The following HSPA4 variants were observed in gnomAD, a reference collection of about 807,000 sequenced individuals.
HSPA4 encodes heat shock 70 kDa protein 4.
A neutral mutation model predicts 106.2 loss-of-function variants in HSPA4; 25 were observed. The observed-to-expected ratio is 0.24, with a 90% CI of 0.17 to 0.33. The LOEUF (loss-of-function observed/expected upper bound fraction) is 0.33, where lower values mean the gene tolerates loss of function less well. HSPA4 is among the 10% of genes least tolerant of loss of function. The pLI is 1.00. For missense variants in HSPA4, 841 were observed against 996.0 expected (o/e 0.84, Z 2.10); for synonymous variants, 332 against 333.6 (o/e 1.00, Z 0.05).
At chr5:133,080,862 A>T (rs942271889) in intron 7 of HSPA4, among the ~76,000 whole-genome samples, 12 of 152,120 alleles carry the variant, frequency 7.9e-5, no homozygotes, top group African/African-American at 2.7e-4. Context: ...TTGAGATATA[A>T]TTCACATACC....
rs111397306 is a variant in HSPA4, at chr5:133,057,356, G to A, written c.107+4999G>A. On this transcript the variant is annotated intron_variant, in intron 1 of 18. Coordinates refer to ENST00000304858, the MANE Select transcript of HSPA4 (RefSeq NM_002154.4). ...TGTAATATCCTGAGAGTAGTTCTGC[G>A]TACCTTTTTTTTTTTTTTTTGAGAC... Among the ~76,000 whole-genome samples, 7 of 148,784 alleles carry A rather than the reference G, an allele frequency of 4.7e-5. No homozygotes were observed. In the East Asian group the frequency reaches 1.0e-3, roughly 22 times the overall value.
intron 14 of HSPA4, among the ~76,000 whole-genome samples, chr5:133,096,568 T>C (rs1458157508): frequency 6.6e-6 from 1 of 152,166 alleles, no homozygotes; most frequent in Non-Finnish European, 1.5e-5. Flanking sequence ...ATTGGGATAT[T>C]TGAGGTTGGT....
intron 12 of HSPA4, among the ~76,000 whole-genome samples, chr5:133,091,974 A>G (rs1765652901): frequency 6.6e-6 from 1 of 152,158 alleles, no homozygotes; most frequent in African/African-American, 2.4e-5. Context: ...GCGTGAGCCT[A>G]GGAGGTCAAG....
chr5:133,078,933 C>T (rs1365222857), intron 7 of HSPA4, among the ~76,000 whole-genome samples: 3 of 152,014 alleles, frequency 2.0e-5, no homozygotes, highest in Non-Finnish European at 4.4e-5. Context: ...TGGGTGTCAC[C>T]ATGTTGCCCA....
chr5:133,087,833 A>G (rs1022542238), intron 8 of HSPA4, among the ~76,000 whole-genome samples: 34 of 152,160 alleles, frequency 2.2e-4, no homozygotes, highest in African/African-American at 6.5e-4. Flanking sequence ...CATGTTGGTC[A>G]GGCTGGTTTT....
intron 2 of HSPA4, 107 bp from the exon 3 acceptor site, chr5:133,067,310 A>G: frequency 1.0e-6 from 1 of 955,998 alleles, no homozygotes; most frequent in Non-Finnish European, 1.6e-6. Flanking sequence ...CAAAACCAAG[A>G]AGGAGACTCT....
At chr5:133,054,721 G>A (rs1476848483) in intron 1 of HSPA4, among the ~76,000 whole-genome samples, 1 of 152,008 alleles carries the variant, frequency 6.6e-6, no homozygotes, top group East Asian at 1.9e-4. Flanking sequence ...AGTGTATTGT[G>A]CCCTGAAGTT....
At chr5:133,079,063 T>G (rs377085621) in intron 7 of HSPA4, among the ~76,000 whole-genome samples, 38 of 152,190 alleles carry the variant, frequency 2.5e-4, no homozygotes, top group African/African-American at 9.2e-4. Flanking sequence ...ACATTCACCT[T>G]TGTTTAAATC....
intron 3 of HSPA4, among the ~76,000 whole-genome samples, chr5:133,069,868 T>C (rs1355256541): frequency 1.3e-5 from 2 of 152,160 alleles, no homozygotes; most frequent in African/African-American, 4.8e-5. Flanking sequence ...TCGTGTTTGG[T>C]TGAAAGCTAA....
At chr5:133,074,576 C>T (rs1765425008) in intron 6 of HSPA4, among the ~76,000 whole-genome samples, 1 of 152,198 alleles carries the variant, frequency 6.6e-6, no homozygotes, top group African/African-American at 2.4e-5. Context: ...CGGCGCCCAG[C>T]AGGAGGATTT....
chr5:133,052,384 G>A (rs373188431), intron 1 of HSPA4, 27 bp downstream of exon 1: 1 of 1,397,470 alleles, frequency 7.2e-7, no homozygotes, highest in African/African-American at 1.4e-5. Context: ...CCTGCCGCGT[G>A]CACTGGGGTT....
At chr5:133,090,823 G>A (rs921825670) in intron 11 of HSPA4, among the ~76,000 whole-genome samples, 1 of 152,014 alleles carries the variant, frequency 6.6e-6, no homozygotes, top group African/African-American at 2.4e-5. Context: ...ACTGATAAAC[G>A]ACAAGCAGAG....
chr5:133,099,718 T>C, intron 16 of HSPA4, 66 bp downstream of exon 16: 1 of 741,478 alleles, frequency 1.3e-6, no homozygotes, highest in Non-Finnish European at 2.3e-6. Flanking sequence ...GGAGCTCAAA[T>C]TTGGGAGGAA....
chr5:133,080,442 C>A lies in HSPA4; in HGVS notation c.908+3544C>A, dbSNP rs10452538. The stretch of plus-strand genomic sequence containing the variant: ...CAAAAAAAAAAAAAAAAAAAAAAAA[C>A]CCAATAATTTTACTACACTATATTT... On this transcript the variant is annotated intron_variant, in intron 7 of 18. Coordinates refer to ENST00000304858, the MANE Select transcript of HSPA4 (RefSeq NM_002154.4). Among the ~76,000 whole-genome samples the A allele has an allele frequency of 9.9e-3, 1,319 of 133,550 alleles. 21 individuals are homozygous for A. The highest frequency in any genetic ancestry group is 0.037 in the African/African-American group (1,259 of 33,868). The allele number at this position is 133,550 out of a possible 152,430, so 87.6% of individuals were successfully genotyped here.
At chr5:133,070,659 T>C (rs1254098603) in intron 4 of HSPA4, among the ~76,000 whole-genome samples, 163 bp downstream of exon 4, 2 of 152,234 alleles carry the variant, frequency 1.3e-5, no homozygotes, top group East Asian at 1.9e-4. Context: ...CCCAGCACTT[T>C]GGGAGGCCAA....
At chr5:133,078,464 TTCTC>T (rs1765473033) in intron 7 of HSPA4, among the ~76,000 whole-genome samples, 1 of 151,182 alleles carries the variant, frequency 6.6e-6, no homozygotes, top group African/African-American at 2.4e-5. Context: ...GTGAAACTCT[TTCTC>T]TACTAAAAAT....
At chr5:133,099,498 G>C (rs757146523) in intron 15 of HSPA4, 47 bp from the exon 16 acceptor site, 14 of 946,054 alleles carry the variant, frequency 1.5e-5, no homozygotes, top group Admixed American at 3.5e-5. Context: ...CTGTATTGGG[G>C]ATGTAATTTT....
At chr5:133,081,480 A>G (rs1765514710) in intron 7 of HSPA4, among the ~76,000 whole-genome samples, 1 of 151,826 alleles carries the variant, frequency 6.6e-6, no homozygotes, top group African/African-American at 2.4e-5. Context: ...TTTTTCTTTG[A>G]AGATAACTTT....
Position 133,076,838 on chromosome 5 carries a change from A to G in HSPA4, c.848A>G (p.Asp283Gly). The change falls in exon 7 of 19, where the codon GAT becomes GGT. Residue 283 changes from aspartate (D) to glycine (G), a missense_variant. Physicochemically the swap from Asp to Gly is moderately conservative, Grantham distance 94. This residue lies in a region of HSPA4 where 347 missense variants were observed against 408.7 expected (regional missense o/e 0.85). Transcript: ENST00000304858. ...LKKLMSANAS[D>G]LPLSIECFMN... ...AAATTGATGAGTGCAAATGCTTCAG[A>G]TCTCCCTTTGAGCATTGAATGTTTT... is the stretch of plus-strand genomic sequence containing the variant. The G allele has an allele frequency of 6.2e-7, 1 of 1,610,986 alleles. No individual in the cohort carries two copies. Among genetic ancestry groups the G allele is most frequent in the Non-Finnish European group, 8.5e-7 (1 of 1,177,198 alleles).
Sources: allele counts gnomAD v4.1 joint callset (sites outside exome capture counted in the v4.1 genomes callset), GRCh38; gene constraint gnomAD v4.1.1; regional missense constraint gnomAD v4.1.1; transcripts MANE v1.5; gene names NCBI Gene and HGNC (gene_info 2026-07-23, HGNC 2026-07-21).